Variants in ARHGEF28 observed in about 807,000 individuals in gnomAD.
ARHGEF28 encodes the protein 190 kDa guanine nucleotide exchange factor.
In ARHGEF28, 152 loss-of-function variants were observed where a neutral mutation model predicts 206.6. The observed-to-expected ratio is 0.74, with a 90% CI of 0.64 to 0.84. The LOEUF is 0.84. Ranked by LOEUF, ARHGEF28 falls within the 40% of genes least tolerant of loss-of-function variation. The pLI, the probability that ARHGEF28 is intolerant of heterozygous loss-of-function variation, is 0.00. For missense variants in ARHGEF28, 2,028 were observed against 2,073.2 expected, an observed-to-expected ratio of 0.98 and a Z score of 0.42; for synonymous variants, 763 against 776.4, an observed-to-expected ratio of 0.98 and a Z score of 0.29.
chr5:73,786,319 C>T (rs1425291099), intron 7 of ARHGEF28: 2 of 152,160 alleles, frequency 1.3e-5, no homozygotes, highest in Non-Finnish European at 2.9e-5. Context: ...ATGTAACTTA[C>T]CTGAGGTGAC....
chr5:73,797,787 A>T (rs1421806993), intron 9 of ARHGEF28, among the ~76,000 whole-genome samples: 1 of 152,198 alleles, frequency 6.6e-6, no homozygotes, highest in African/African-American at 2.4e-5. Flanking sequence ...TAGATATGTA[A>T]GTCTTTGCTG....
At chr5:73,901,401 C>A in intron 31 of ARHGEF28, 117 bp downstream of exon 31, 2 of 737,318 alleles carry the variant, frequency 2.7e-6, no homozygotes. Flanking sequence ...GAATTGTTCT[C>A]AATTGATTTA....
chr5:73,631,175 C>G (rs1346069405), intron 1 of ARHGEF28, among the ~76,000 whole-genome samples: 1 of 152,138 alleles, frequency 6.6e-6, no homozygotes, highest in Non-Finnish European at 1.5e-5. Flanking sequence ...AAAATAATTT[C>G]TATCAGGCAA....
At chr5:73,897,893 T>G in intron 29 of ARHGEF28, 69 bp from the exon 30 acceptor site, 2 of 1,486,472 alleles carry the variant, frequency 1.3e-6, no homozygotes, top group Non-Finnish European at 9.1e-7. Flanking sequence ...GATTTGCCAA[T>G]TCCTGGTCTA....
chr5:73,747,527 G>A (rs73762200), intron 2 of ARHGEF28, among the ~76,000 whole-genome samples: 27 of 152,026 alleles, frequency 1.8e-4, no homozygotes, highest in Admixed American at 2.6e-4. Flanking sequence ...GAAAATGTCC[G>A]TGTTATTTCA....
chr5:73,789,384 G>C (rs1210414953), intron 7 of ARHGEF28, among the ~76,000 whole-genome samples: 1 of 152,170 alleles, frequency 6.6e-6, no homozygotes, highest in Admixed American at 6.5e-5. Context: ...GCCTTGGGCT[G>C]GGGTGTGGAA....
intron 1 of ARHGEF28, among the ~76,000 whole-genome samples, chr5:73,656,932 A>T (rs1430960659): frequency 6.6e-6 from 1 of 152,042 alleles, no homozygotes; most frequent in Non-Finnish European, 1.5e-5. Flanking sequence ...GCACTTTGGG[A>T]GGCCGAGGTG....
At chr5:73,657,246 C>T (rs187601517) in intron 1 of ARHGEF28, among the ~76,000 whole-genome samples, 1 of 151,308 alleles carries the variant, frequency 6.6e-6, no homozygotes, top group East Asian at 2.0e-4. Flanking sequence ...ATCTCTTTCC[C>T]ATTTTTCACC....
intron 1 of ARHGEF28, among the ~76,000 whole-genome samples, chr5:73,640,317 T>C (rs1276886204): frequency 2.0e-5 from 3 of 152,232 alleles, no homozygotes; most frequent in Non-Finnish European, 2.9e-5. Flanking sequence ...AATAGTTGCA[T>C]GTACAATGTG....
intron 7 of ARHGEF28, among the ~76,000 whole-genome samples, chr5:73,791,220 G>A (rs371483030): frequency 2.0e-5 from 3 of 152,184 alleles, no homozygotes; most frequent in Non-Finnish European, 2.9e-5. Context: ...AGGGTTGAGC[G>A]GAAATCGATC....
At chr5:73,891,276 G>C (rs72772585) in intron 26 of ARHGEF28, among the ~76,000 whole-genome samples, 13,878 of 152,074 alleles carry the variant, frequency 0.091, 992 homozygotes, top group African/African-American at 0.19. Context: ...CCACTTATTC[G>C]TATCTTTTGT....
intron 2 of ARHGEF28, among the ~76,000 whole-genome samples, chr5:73,704,747 A>C (rs933331835): frequency 4.6e-5 from 7 of 152,194 alleles, no homozygotes; most frequent in Non-Finnish European, 1.0e-4. Flanking sequence ...TTTTTAAATA[A>C]AGGCAGGAAA....
intron 2 of ARHGEF28, among the ~76,000 whole-genome samples, chr5:73,738,482 CGT>C (rs59149035): frequency 0.048 from 7,002 of 145,456 alleles, 346 homozygotes; most frequent in African/African-American, 0.13. Flanking sequence ...AGAGTGGCCT[CGT>C]GTGTGTGTGT....
chr5:73,639,519 A>C (rs142367871), intron 1 of ARHGEF28, among the ~76,000 whole-genome samples: 5 of 152,010 alleles, frequency 3.3e-5, no homozygotes, highest in African/African-American at 1.2e-4. Context: ...ATTTCTATAA[A>C]TTTTATATTT....
chr5:73,784,732 T>A (rs1580613863), intron 7 of ARHGEF28, among the ~76,000 whole-genome samples: 1 of 152,298 alleles, frequency 6.6e-6, no homozygotes, highest in East Asian at 1.9e-4. Context: ...ATATACTATG[T>A]TTTTTTCTAT....
At chr5:73,651,125 A>G (rs1302500801) in intron 1 of ARHGEF28, among the ~76,000 whole-genome samples, 1 of 152,178 alleles carries the variant, frequency 6.6e-6, no homozygotes, top group Non-Finnish European at 1.5e-5. Flanking sequence ...CTGTTTACAT[A>G]TGTGGGGTTT....
chr5:73,722,239 C>T (rs1234316438), intron 2 of ARHGEF28, among the ~76,000 whole-genome samples: 1 of 152,206 alleles, frequency 6.6e-6, no homozygotes, highest in African/African-American at 2.4e-5. Context: ...TATTCTTGAA[C>T]ATCCATGACA....
intron 4 of ARHGEF28, among the ~76,000 whole-genome samples, chr5:73,769,938 G>A (rs1471077782): frequency 6.6e-6 from 1 of 152,038 alleles, no homozygotes; most frequent in Non-Finnish European, 1.5e-5. Flanking sequence ...TTATCAATAC[G>A]CCCCACAGAG....
At chr5:73,902,386 T>A (rs1409489642) in intron 31 of ARHGEF28, 1 of 152,232 alleles carries the variant, frequency 6.6e-6, no homozygotes, top group African/African-American at 2.4e-5. Flanking sequence ...AGTAATAATT[T>A]AATCTTGAAC....
Sources: gnomAD v4.1 joint callset for allele counts (sites outside exome capture counted in the v4.1 genomes callset) on GRCh38, gnomAD v4.1.1 for gene constraint, MANE v1.5 for transcripts, NCBI Gene and HGNC (gene_info 2026-07-23, HGNC 2026-07-21) for gene names.